The following WDR11 variants were observed in gnomAD, a reference collection of about 807,000 sequenced individuals.
WDR11 encodes WD repeat-containing protein 11.
A neutral mutation model predicts 151.2 loss-of-function variants in WDR11; 83 were observed. The observed-to-expected ratio is 0.55, with a 90% CI of 0.46 to 0.66. The LOEUF (loss-of-function observed/expected upper bound fraction) is 0.66, where lower values mean the gene tolerates loss of function less well. WDR11 is among the 30% of genes least tolerant of loss of function. WDR11 has a pLI of 0.00. For synonymous variants in WDR11, 484 were observed against 533.1 expected, an observed-to-expected ratio of 0.91 and a Z score of 1.27; for missense variants, 1,301 against 1,480.9, an observed-to-expected ratio of 0.88 and a Z score of 1.99.
intron 10 of WDR11, 131 bp from the exon 11 acceptor site, chr10:120,873,708 A>G: frequency 1.4e-6 from 1 of 714,262 alleles, no homozygotes; most frequent in East Asian, 2.6e-5. Flanking sequence ...GTGTTTGTTT[A>G]AACACATAGT....
chr10:120,882,616 G>A (rs1232788465), intron 13 of WDR11, among the ~76,000 whole-genome samples: 1 of 150,606 alleles, frequency 6.6e-6, no homozygotes, highest in Non-Finnish European at 1.5e-5. Flanking sequence ...TGTCTTCCAA[G>A]TAATCTGTCC....
chr10:120,909,008 A>AACTT lies in WDR11; in HGVS notation c.*297_*300dup. 1 of 371,630 alleles carries AACTT rather than the reference A, an allele frequency of 2.7e-6. No homozygotes were observed. The highest frequency in any genetic ancestry group is 5.0e-6 in the Non-Finnish European group (1 of 201,012). 23.0% of individuals were successfully genotyped at this position (371,630 alleles called of 1,614,324 possible). ...CCTGGAAATACTTTTTAATTTTTTT[A>AACTT]ACTTAAAATTCAAGAGACTGAATCA... On this transcript the variant is annotated 3_prime_UTR_variant, in exon 29 of 29. Transcript: ENST00000263461.
intron 19 of WDR11, among the ~76,000 whole-genome samples, chr10:120,892,105 G>C (rs1236509622): frequency 6.6e-6 from 1 of 152,182 alleles, no homozygotes; most frequent in African/African-American, 2.4e-5. Context: ...CTATCTAAAT[G>C]TTTGAAGAGC....
At chr10:120,865,273 G>A in intron 6 of WDR11, 61 bp downstream of exon 6, 16 of 1,534,536 alleles carry the variant, frequency 1.0e-5, no homozygotes, top group South Asian at 1.1e-5. Flanking sequence ...TTAAAAGAAG[G>A]CCATAATCTT....
chr10:120,852,753 A>G, intron 2 of WDR11, 118 bp downstream of exon 2: 2 of 869,146 alleles, frequency 2.3e-6, no homozygotes, highest in Non-Finnish European at 3.7e-6. Flanking sequence ...AAATATAACA[A>G]CCTATTTGGG....
chr10:120,903,047 C>T lies in WDR11; in HGVS notation c.2754-8C>T. Reference sequence around the variant, plus strand: ...AGTGCAGTCAAAACTTTGCTTCATCCTTGCCAGGCTCTATGGTGATGAATC... The same window carrying T: ...AGTGCAGTCAAAACTTTGCTTCATCTTTGCCAGGCTCTATGGTGATGAATC... On this transcript the variant is annotated splice_region_variant and splice_polypyrimidine_tract_variant and intron_variant, in intron 22 of 28. Coordinates refer to ENST00000263461, the MANE Select transcript of WDR11 (RefSeq NM_018117.12). The T allele has an allele frequency of 6.2e-7, 1 of 1,613,710 alleles. No individual in the cohort carries two copies. Among genetic ancestry groups the T allele is most frequent in the Non-Finnish European group, 8.5e-7 (1 of 1,180,002 alleles).
chr10:120,905,438 T>C (rs1776332101), intron 26 of WDR11, 22 bp downstream of exon 26: 1 of 1,612,368 alleles, frequency 6.2e-7, no homozygotes, highest in Non-Finnish European at 8.5e-7. Flanking sequence ...CAAGTTTCAA[T>C]AGGTGCCCTC....
chr10:120,866,793 G>GT, intron 8 of WDR11, 29 bp downstream of exon 8: 1 of 1,612,836 alleles, frequency 6.2e-7, no homozygotes, highest in South Asian at 1.1e-5. Context: ...TCATGGTTTT[G>GT]TTTTTTGTTT....
intron 19 of WDR11, among the ~76,000 whole-genome samples, chr10:120,894,212 C>T (rs1402791154): frequency 2.0e-5 from 3 of 152,124 alleles, no homozygotes; most frequent in African/African-American, 7.2e-5. Flanking sequence ...AGGAAGGGAT[C>T]CAGTTTCAGC....
intron 2 of WDR11, among the ~76,000 whole-genome samples, chr10:120,857,631 C>T (rs1017345621): frequency 2.0e-5 from 3 of 152,120 alleles, no homozygotes; most frequent in East Asian, 1.9e-4. Flanking sequence ...TTTCAGAAAA[C>T]GTTGTTTCCA....
At chr10:120,884,203 A>C (rs1181036508) in intron 14 of WDR11, among the ~76,000 whole-genome samples, 1 of 152,094 alleles carries the variant, frequency 6.6e-6, no homozygotes, top group African/African-American at 2.4e-5. Flanking sequence ...AGAGGAGTAA[A>C]TGTGGGAGGT....
rs1251477289 is a variant in WDR11, at chr10:120,903,061, T to C, written c.2760T>C (p.Tyr920=). 1 of 1,614,008 alleles carries C rather than the reference T, an allele frequency of 6.2e-7. No homozygotes were observed. The highest frequency in any genetic ancestry group is 8.5e-7 in the Non-Finnish European group (1 of 1,180,010). Residue 920 remains tyrosine, a synonymous_variant, in exon 23 of 29, where the codon TAT becomes TAC. Transcript: ENST00000263461. ...TTTGCTTCATCCTTGCCAGGCTCTA[T>C]GGTGATGAATCGGAGCTGCACTTCT... The part of the protein sequence containing the change: ...LQRCLLVSRL[Y]GDESELHFWT...
rs1359411530 is a variant in WDR11 at position 120,900,188 on chromosome 10, A to G, written c.2624+51A>G. The G allele has an allele frequency of 2.7e-6, 4 of 1,497,678 alleles. No individual in the cohort carries two copies. The South Asian group carries it at 4.5e-5, about 17-fold the overall frequency. 92.8% of individuals were successfully genotyped at this position (1,497,678 alleles called of 1,614,324 possible). A position where few individuals can be genotyped will look rare whatever the true frequency, so the allele number is the denominator to read the frequency against. On this transcript the variant is annotated intron_variant, in intron 20 of 28. Coordinates refer to ENST00000263461, the MANE Select transcript of WDR11 (RefSeq NM_018117.12). Reference sequence around the variant, plus strand: ...TTCATAATTTACTTGGGGTTGAAAGACACCCATGAAAGTCAGCCATGGCCT... The same window carrying G: ...TTCATAATTTACTTGGGGTTGAAAGGCACCCATGAAAGTCAGCCATGGCCT...
intron 28 of WDR11, chr10:120,908,060 T>C (rs183829901): frequency 5.6e-6 from 1 of 179,610 alleles, no homozygotes; most frequent in East Asian, 1.4e-4. Context: ...CAGCACAGAG[T>C]ACCCAATAGG....
chr10:120,898,766 T>C (rs1429831719), intron 19 of WDR11, among the ~76,000 whole-genome samples: 3 of 151,752 alleles, frequency 2.0e-5, no homozygotes, highest in Non-Finnish European at 2.9e-5. Flanking sequence ...CCTTCTGCCA[T>C]GATTGTAAGT....
At chr10:120,890,491 G>A (rs1192820887) in intron 18 of WDR11, among the ~76,000 whole-genome samples, 1 of 152,168 alleles carries the variant, frequency 6.6e-6, no homozygotes, top group African/African-American at 2.4e-5. Context: ...TGGGATTATA[G>A]GCGTCAGCCA....
chr10:120,908,965 G>A lies in WDR11; in HGVS notation c.*252G>A, dbSNP rs1564729648. On this transcript the variant is annotated 3_prime_UTR_variant, in exon 29 of 29. Coordinates refer to ENST00000263461, the MANE Select transcript of WDR11 (RefSeq NM_018117.12). ...AAGTACATAATATTTTATACTTTGGGAGAGAGCTTTAAGAGTCCCTGGAAA... is the reference window on the plus strand; with the variant it reads ...AAGTACATAATATTTTATACTTTGGAAGAGAGCTTTAAGAGTCCCTGGAAA... 1 of 503,066 alleles carries A rather than the reference G, an allele frequency of 2.0e-6. No individual in the cohort carries two copies. The highest frequency in any genetic ancestry group is 3.6e-6 in the Non-Finnish European group (1 of 280,846). The allele number at this position is 503,066 out of a possible 1,614,324, so 31.2% of individuals were successfully genotyped here.
intron 11 of WDR11, among the ~76,000 whole-genome samples, chr10:120,874,743 CT>C (rs1376125972): frequency 7.3e-5 from 11 of 150,098 alleles, no homozygotes; most frequent in African/African-American, 2.2e-4. Context: ...CATGATCTCC[CT>C]TTTTATGACT....
intron 11 of WDR11, among the ~76,000 whole-genome samples, chr10:120,874,204 TG>T (rs1441308933): frequency 6.4e-5 from 6 of 94,010 alleles, no homozygotes; most frequent in African/African-American, 1.7e-4. Context: ...TTGTTGTTGT[TG>T]TTGTTTGTTT....
Sources: allele counts gnomAD v4.1 joint callset (sites outside exome capture counted in the v4.1 genomes callset), GRCh38; gene constraint gnomAD v4.1.1; transcripts MANE v1.5; gene names NCBI Gene and HGNC (gene_info 2026-07-23, HGNC 2026-07-21).